SLC35D4: variants seen among roughly 807,000 people sequenced by gnomAD.
The protein encoded by SLC35D4 is solute carrier family 35 member D4, also known as UDP-N-acetylglucosamine transporter SLC35D4.
chr18:23,425,035 T>C, the SLC35D4 span, among the ~76,000 whole-genome samples: 2 of 152,222 alleles, frequency 1.3e-5, no homozygotes, highest in Non-Finnish European at 2.9e-5. Context: ...AATTCAGCAC[T>C]AGTCCCTTAA....
chr18:23,422,591 G>GC, the SLC35D4 span, among the ~76,000 whole-genome samples: 1 of 151,930 alleles, frequency 6.6e-6, no homozygotes, highest in African/African-American at 2.4e-5. Context: ...CTCCAAGGTT[G>GC]CCCCCCATCC....
the SLC35D4 span, among the ~76,000 whole-genome samples, chr18:23,288,269 C>A: frequency 6.6e-6 from 1 of 152,212 alleles, no homozygotes; most frequent in Admixed American, 6.5e-5. Context: ...CAGGCCTAAT[C>A]GCCACACACC....
the SLC35D4 span, chr18:23,430,806 T>C: frequency 3.6e-6 from 3 of 836,952 alleles, no homozygotes; most frequent in Non-Finnish European, 5.5e-6. Flanking sequence ...AAAAAGGCCA[T>C]TATTCCCACC....
chr18:23,273,536 C>G, the SLC35D4 span, among the ~76,000 whole-genome samples: 1 of 152,166 alleles, frequency 6.6e-6, no homozygotes, highest in East Asian at 1.9e-4. Flanking sequence ...ACTGTAACTT[C>G]CCTAGTTACA....
At chr18:23,285,675 T>C in the SLC35D4 span, among the ~76,000 whole-genome samples, 2 of 152,040 alleles carry the variant, frequency 1.3e-5, no homozygotes, top group Non-Finnish European at 2.9e-5. Context: ...TTTCTAATCT[T>C]CCTTTTCTAC....
the SLC35D4 span, chr18:23,373,711 C>A: frequency 6.2e-7 from 1 of 1,613,616 alleles, no homozygotes; most frequent in South Asian, 1.1e-5. Context: ...CTTGGACTTA[C>A]CTGGGAGTCA....
At chr18:23,324,495 G>A in the SLC35D4 span, among the ~76,000 whole-genome samples, 20 of 152,312 alleles carry the variant, frequency 1.3e-4, no homozygotes, top group African/African-American at 4.8e-4. Flanking sequence ...TTGGGTTTTT[G>A]CTGGGATGAA....
chr18:23,353,821 A>T, the SLC35D4 span, among the ~76,000 whole-genome samples: 1 of 152,082 alleles, frequency 6.6e-6, no homozygotes, highest in Non-Finnish European at 1.5e-5. Context: ...CCTTAACCAA[A>T]TCCCCCTTCC....
the SLC35D4 span, among the ~76,000 whole-genome samples, chr18:23,422,578 T>A: frequency 6.6e-6 from 1 of 152,114 alleles, no homozygotes; most frequent in African/African-American, 2.4e-5. Flanking sequence ...CTGGTCCCCC[T>A]CTCTCCAAGG....
the SLC35D4 span, among the ~76,000 whole-genome samples, chr18:23,351,421 CA>C: frequency 4.1e-4 from 2 of 4,824 alleles, no homozygotes; most frequent in Non-Finnish European, 7.4e-3. Flanking sequence ...CAAAACAAAA[CA>C]AAAACAAAAA....
At chr18:23,306,151 C>T in the SLC35D4 span, among the ~76,000 whole-genome samples, 1 of 151,946 alleles carries the variant, frequency 6.6e-6, no homozygotes, top group East Asian at 1.9e-4. Flanking sequence ...AGTGCTGACT[C>T]CCACCAGCCA....
At chr18:23,248,538 T>TTTTTTTTTTTTTTA in the SLC35D4 span, among the ~76,000 whole-genome samples, 10 of 93,598 alleles carry the variant, frequency 1.1e-4, no homozygotes, top group Admixed American at 3.3e-4. Flanking sequence ...TTTTTTTTTT[T>TTTTTTTTTTTTTTA]AAAAAAAGGC....
chr18:23,358,998 A>T, the SLC35D4 span, among the ~76,000 whole-genome samples: 2 of 152,326 alleles, frequency 1.3e-5, no homozygotes, highest in South Asian at 2.1e-4. Context: ...CCCCAGCCAC[A>T]TGCAAACTCG....
chr18:23,340,994 G>T, the SLC35D4 span, among the ~76,000 whole-genome samples: 1 of 152,214 alleles, frequency 6.6e-6, no homozygotes, highest in Admixed American at 6.5e-5. Context: ...TGGAGAAACT[G>T]ACTAGGAGAA....
chr18:23,279,058 G>A, the SLC35D4 span, among the ~76,000 whole-genome samples: 1 of 151,910 alleles, frequency 6.6e-6, no homozygotes, highest in Non-Finnish European at 1.5e-5. Context: ...AGAAAGGGTT[G>A]GAGGTGGGTC....
At chr18:23,272,108 G>T in the SLC35D4 span, among the ~76,000 whole-genome samples, 28 of 152,352 alleles carry the variant, frequency 1.8e-4, no homozygotes. Flanking sequence ...CAAGTTGATT[G>T]GAAGTAGTTG....
At chr18:23,368,913 G>C in the SLC35D4 span, among the ~76,000 whole-genome samples, 8 of 152,130 alleles carry the variant, frequency 5.3e-5, no homozygotes, top group Non-Finnish European at 1.0e-4. Flanking sequence ...CCAGTTACTA[G>C]TTCATTTTAA....
the SLC35D4 span, among the ~76,000 whole-genome samples, chr18:23,396,826 T>TAAAATCA: frequency 6.6e-6 from 1 of 151,530 alleles, no homozygotes; most frequent in Non-Finnish European, 1.5e-5. Flanking sequence ...CAAGAGAATG[T>TAAAATCA]AAAATCAATG....
At chr18:23,435,708 T>C in the SLC35D4 span, among the ~76,000 whole-genome samples, 1 of 152,268 alleles carries the variant, frequency 6.6e-6, no homozygotes. Flanking sequence ...TCTTTTGTTG[T>C]TGTTCAGACG....
Sources: allele counts gnomAD v4.1 joint callset (sites outside exome capture counted in the v4.1 genomes callset), GRCh38; gene constraint gnomAD v4.1.1; transcripts MANE v1.5; gene names NCBI Gene and HGNC (gene_info 2026-07-23, HGNC 2026-07-21).